SYNDIG1: variants seen among roughly 807,000 people sequenced by gnomAD.
SYNDIG1 encodes synapse differentiation inducing 1.
A neutral mutation model predicts 19.4 loss-of-function variants in SYNDIG1; 9 were observed. The observed-to-expected ratio is 0.46, with a 90% CI of 0.28 to 0.81. SYNDIG1 has a LOEUF of 0.81. Among genes scored for constraint, SYNDIG1 ranks in the 30% least tolerant of loss-of-function variants. The pLI, the probability that SYNDIG1 is intolerant of heterozygous loss-of-function variation, is 0.12. For missense variants in SYNDIG1, 311 were observed against 343.3 expected, an observed-to-expected ratio of 0.91 and a Z score of 0.74; for synonymous variants, 141 against 145.9, an observed-to-expected ratio of 0.97 and a Z score of 0.24.
chr20:24,652,535 C>T (rs2059483426), intron 3 of SYNDIG1, among the ~76,000 whole-genome samples: 2 of 152,320 alleles, frequency 1.3e-5, no homozygotes, highest in East Asian at 1.9e-4. Flanking sequence ...GTAAGTTTAA[C>T]AGTTTCCAAG....
intron 1 of SYNDIG1, among the ~76,000 whole-genome samples, chr20:24,512,154 T>TGC (rs1555789029): frequency 1.1e-3 from 121 of 112,006 alleles, no homozygotes; most frequent in African/African-American, 3.1e-3. Flanking sequence ...TATATATATA[T>TGC]GCAGTGGTTC....
intron 3 of SYNDIG1, among the ~76,000 whole-genome samples, chr20:24,624,434 A>G (rs2071402832): frequency 6.6e-6 from 1 of 152,192 alleles, no homozygotes; most frequent in Non-Finnish European, 1.5e-5. Context: ...TCAGAACAAC[A>G]AAGATTATCA....
At chr20:24,489,394 GAC>G (rs964091844) in intron 1 of SYNDIG1, among the ~76,000 whole-genome samples, 11 of 148,722 alleles carry the variant, frequency 7.4e-5, no homozygotes, top group African/African-American at 2.1e-4. Flanking sequence ...CACAGATACA[GAC>G]ACATGTGCAC....
At chr20:24,517,209 G>C (rs1037747435) in intron 1 of SYNDIG1, among the ~76,000 whole-genome samples, 6 of 151,778 alleles carry the variant, frequency 4.0e-5, no homozygotes, top group African/African-American at 1.2e-4. Flanking sequence ...TAAATGACGA[G>C]TTAATGGGTT....
At chr20:24,546,088 A>G (rs6049775) in intron 2 of SYNDIG1, among the ~76,000 whole-genome samples, 114,558 of 152,114 alleles carry the variant, frequency 0.75, 43,721 homozygotes, top group African/African-American at 0.88. Flanking sequence ...TCAGGATGCC[A>G]AGGAGGATTT....
chr20:24,560,694 C>CTTTTTTTTTTTTTTTTTTTTTTTTT (rs10658853), intron 2 of SYNDIG1, among the ~76,000 whole-genome samples: 2 of 113,820 alleles, frequency 1.8e-5, no homozygotes, highest in African/African-American at 6.7e-5. Context: ...CTGTTGACTA[C>CTTTTTTTTTTTTTTTTTTTTTTTTT]TTTTTTTTTT....
chr20:24,566,796 G>A (rs2058050893), intron 2 of SYNDIG1, among the ~76,000 whole-genome samples: 1 of 152,154 alleles, frequency 6.6e-6, no homozygotes, highest in African/African-American at 2.4e-5. Context: ...GAATTACCTG[G>A]GTCTGGTTAA....
chr20:24,579,387 C>T (rs2058284902), intron 2 of SYNDIG1, among the ~76,000 whole-genome samples: 1 of 152,206 alleles, frequency 6.6e-6, no homozygotes. Flanking sequence ...TGGTTAAATC[C>T]TTGTCTGGTT....
intron 3 of SYNDIG1, among the ~76,000 whole-genome samples, chr20:24,644,887 C>G (rs2059409318): frequency 6.6e-6 from 1 of 152,198 alleles, no homozygotes; most frequent in South Asian, 2.1e-4. Context: ...GTTCTGAAGA[C>G]TGGTGTATAT....
At chr20:24,639,614 G>A (rs1204707321) in intron 3 of SYNDIG1, among the ~76,000 whole-genome samples, 3 of 152,118 alleles carry the variant, frequency 2.0e-5, no homozygotes, top group African/African-American at 4.8e-5. Flanking sequence ...GGACAGAATG[G>A]CATCCTGCGG....
intron 2 of SYNDIG1, among the ~76,000 whole-genome samples, chr20:24,550,997 C>G (rs548964046): frequency 6.6e-6 from 1 of 152,196 alleles, no homozygotes; most frequent in East Asian, 1.9e-4. Context: ...TTTCTGGGCT[C>G]TAGTATGAAG....
At chr20:24,476,683 C>A (rs539583001) in intron 1 of SYNDIG1, among the ~76,000 whole-genome samples, 181 of 151,696 alleles carry the variant, frequency 1.2e-3, no homozygotes, top group African/African-American at 4.2e-3. Flanking sequence ...AAAAAACAAA[C>A]AAACAAACAA....
chr20:24,595,746 C>A (rs778145325), intron 3 of SYNDIG1, among the ~76,000 whole-genome samples: 5 of 152,110 alleles, frequency 3.3e-5, no homozygotes, highest in Non-Finnish European at 5.9e-5. Flanking sequence ...GCAATGTATC[C>A]ATTTCTTCTA....
chr20:24,659,931 T>C (rs1332947465), intron 3 of SYNDIG1, among the ~76,000 whole-genome samples: 1 of 152,274 alleles, frequency 6.6e-6, no homozygotes, highest in Non-Finnish European at 1.5e-5. Flanking sequence ...GGTAGTTTTT[T>C]TTCAACTATG....
intron 2 of SYNDIG1, among the ~76,000 whole-genome samples, chr20:24,553,133 C>G (rs62215289): frequency 6.6e-6 from 1 of 150,630 alleles, no homozygotes; most frequent in African/African-American, 2.4e-5. Context: ...TGTTCATGTC[C>G]TTCGCCCACT....
chr20:24,525,564 G>A (rs768060249), intron 1 of SYNDIG1, among the ~76,000 whole-genome samples: 9 of 152,036 alleles, frequency 5.9e-5, no homozygotes, highest in Non-Finnish European at 1.0e-4. Context: ...GATTACAGGC[G>A]TGAGCCACCA....
intron 1 of SYNDIG1, among the ~76,000 whole-genome samples, chr20:24,477,900 A>G (rs1159299155): frequency 2.0e-5 from 3 of 152,170 alleles, no homozygotes; most frequent in Non-Finnish European, 1.5e-5. Context: ...AGATACTCCA[A>G]ACTCCAGGTG....
intron 3 of SYNDIG1, among the ~76,000 whole-genome samples, chr20:24,617,741 A>C (rs1453571503): frequency 6.8e-6 from 1 of 147,544 alleles, no homozygotes; most frequent in African/African-American, 2.5e-5. Context: ...GGGGAGGCTG[A>C]GGGAGAGCTC....
chr20:24,568,825 T>A (rs2058094528), intron 2 of SYNDIG1, among the ~76,000 whole-genome samples: 1 of 152,206 alleles, frequency 6.6e-6, no homozygotes, highest in African/African-American at 2.4e-5. Context: ...TTTTGGAAGA[T>A]TCACTTCTGC....
Sources: gnomAD v4.1 joint callset for allele counts (sites outside exome capture counted in the v4.1 genomes callset) on GRCh38, gnomAD v4.1.1 for gene constraint, MANE v1.5 for transcripts, NCBI Gene and HGNC (gene_info 2026-07-23, HGNC 2026-07-21) for gene names.